Variants in IPPK observed in about 807,000 individuals in gnomAD.
IPPK encodes the protein IPK1 homolog.
IPPK carries 22 observed loss-of-function variants against 64.6 expected under a neutral mutation model. The observed-to-expected ratio is 0.34, with a 90% CI of 0.24 to 0.49. The LOEUF is 0.49. IPPK is among the 20% of genes least tolerant of loss of function. The probability of loss-of-function intolerance (pLI) is 0.99; values close to 1 mark genes in which losing one functional copy is unlikely to be tolerated. For synonymous variants in IPPK, 262 were observed against 247.2 expected (o/e 1.06, Z -0.56); for missense variants, 532 against 630.7 (o/e 0.84, Z 1.68).
At chr9:92,633,228 G>A (rs2131431451) in intron 11 of IPPK, among the ~76,000 whole-genome samples, 1 of 152,052 alleles carries the variant, frequency 6.6e-6, no homozygotes, top group East Asian at 1.9e-4. Flanking sequence ...AGCCAGGATG[G>A]TCTCAATCTC....
chr9:92,637,072 G>C (rs1049939849), intron 9 of IPPK, among the ~76,000 whole-genome samples: 1 of 152,076 alleles, frequency 6.6e-6, no homozygotes, highest in Non-Finnish European at 1.5e-5. Flanking sequence ...TGTAATCCTA[G>C]CACTTTGAGA....
chr9:92,630,828 A>G (rs939809612), intron 11 of IPPK, among the ~76,000 whole-genome samples: 2 of 152,198 alleles, frequency 1.3e-5, no homozygotes, highest in African/African-American at 4.8e-5. Context: ...TGGACAAGAC[A>G]CCACAAAAGG....
chr9:92,654,463 G>A (rs1852331558), intron 3 of IPPK, among the ~76,000 whole-genome samples: 1 of 152,108 alleles, frequency 6.6e-6, no homozygotes, highest in African/African-American at 2.4e-5. Flanking sequence ...TGAGGCTGCA[G>A]TGAGCCATGA....
At chr9:92,651,361 G>A (rs367730111) in intron 4 of IPPK, among the ~76,000 whole-genome samples, 6 of 152,316 alleles carry the variant, frequency 3.9e-5, no homozygotes, top group African/African-American at 1.2e-4. Context: ...CCTGTCATAA[G>A]GCCACCAGCA....
intron 2 of IPPK, among the ~76,000 whole-genome samples, chr9:92,657,367 C>T (rs1052603524): frequency 4.6e-5 from 7 of 151,862 alleles, no homozygotes; most frequent in Admixed American, 1.3e-4. Context: ...AAAAATAAAG[C>T]CCCCCTGGTC....
chr9:92,646,165 T>C (rs914382364), intron 6 of IPPK, among the ~76,000 whole-genome samples: 2 of 152,230 alleles, frequency 1.3e-5, no homozygotes, highest in Non-Finnish European at 2.9e-5. Context: ...ATGGAGTTGG[T>C]ATTAACCTGA....
At chr9:92,636,256 A>G (rs1851941186) in intron 9 of IPPK, among the ~76,000 whole-genome samples, 1 of 152,228 alleles carries the variant, frequency 6.6e-6, no homozygotes, top group Non-Finnish European at 1.5e-5. Flanking sequence ...GCCAACATGC[A>G]GGGAAACAGG....
chr9:92,656,427 G>C (rs1213864336), intron 3 of IPPK, 29 bp downstream of exon 3: 1 of 1,444,292 alleles, frequency 6.9e-7, no homozygotes, highest in Non-Finnish European at 9.8e-7. Flanking sequence ...ACATGCCCAA[G>C]AATTCAGATG....
At chr9:92,618,441 C>G (rs1363628241) in intron 12 of IPPK, 1 of 456,582 alleles carries the variant, frequency 2.2e-6, no homozygotes, top group African/African-American at 2.0e-5. Flanking sequence ...AGGTGAGTAA[C>G]ATGTCTGTCC....
Position 92,668,334 on chromosome 9 carries a change from G to A in IPPK, c.81+1574C>T, listed in dbSNP as rs149475997. On this transcript the variant is annotated intron_variant, in intron 1 of 12. Coordinates refer to ENST00000287996, the MANE Select transcript of IPPK (RefSeq NM_022755.6). ...GAGCTGTGCAACAGGGTAGGGCCAGGCTGCCCTGGAGATGCCTACTCAGGG... is the reference window on the plus strand; with the variant it reads ...GAGCTGTGCAACAGGGTAGGGCCAGACTGCCCTGGAGATGCCTACTCAGGG... Among the ~76,000 whole-genome samples, 738 of 152,286 alleles carry A rather than the reference G, an allele frequency of 4.8e-3. 4 individuals are homozygous for A. Among genetic ancestry groups the A allele is most frequent in the Admixed American group, 7.5e-3 (115 of 15,296 alleles).
intron 11 of IPPK, among the ~76,000 whole-genome samples, chr9:92,632,976 G>A (rs1365415689): frequency 6.6e-6 from 1 of 152,012 alleles, no homozygotes; most frequent in Non-Finnish European, 1.5e-5. Flanking sequence ...GGCTTTGGCA[G>A]CCTAGTAAAG....
chr9:92,621,631 C>G (rs1851633737), intron 11 of IPPK, among the ~76,000 whole-genome samples: 3 of 149,850 alleles, frequency 2.0e-5, no homozygotes, highest in African/African-American at 7.4e-5. Context: ...CCTTCCATCT[C>G]AGTCTCTCAG....
At chr9:92,625,962 T>A (rs1331625412) in intron 11 of IPPK, among the ~76,000 whole-genome samples, 4 of 151,432 alleles carry the variant, frequency 2.6e-5, no homozygotes, top group African/African-American at 9.7e-5. Context: ...GTATCTGATA[T>A]CAGAATATAA....
intron 6 of IPPK, 147 bp from the exon 7 acceptor site, chr9:92,642,957 T>C (rs952341480): frequency 5.8e-6 from 4 of 690,454 alleles, no homozygotes; most frequent in Non-Finnish European, 7.9e-6. Flanking sequence ...CCTTTGCAGG[T>C]GCACATCACT....
At chr9:92,656,584 A>T (rs1171225460) in intron 2 of IPPK, 33 bp from the exon 3 acceptor site, 1 of 1,396,038 alleles carries the variant, frequency 7.2e-7, no homozygotes, top group Non-Finnish European at 1.0e-6. Flanking sequence ...AGCCTTCGTG[A>T]TGGGACCTCC....
At position 92,614,664 on chromosome 9, in the gene IPPK, T is replaced by G. The variant is rs1851375716; in HGVS notation, c.*1168A>C. 1 of 152,656 alleles carries G rather than the reference T, an allele frequency of 6.6e-6. No homozygotes were observed. The highest frequency in any genetic ancestry group is 2.4e-5 in the African/African-American group (1 of 41,474). The allele number at this position is 152,656 out of a possible 1,614,324, so 9.5% of individuals were successfully genotyped here. On this transcript the variant is annotated 3_prime_UTR_variant, in exon 13 of 13. Transcript: ENST00000287996. Reference sequence around the variant, plus strand: ...TTTCTCATGTATCATTTTCATATAATTCCATGGTTTCACTAATATTATATG... The same window carrying G: ...TTTCTCATGTATCATTTTCATATAAGTCCATGGTTTCACTAATATTATATG...
rs546453360 is a variant in IPPK at position 92,670,080 on chromosome 9, G to C, written c.-92C>G. 51 of 877,378 alleles carry C rather than the reference G, an allele frequency of 5.8e-5. No homozygotes were observed. The South Asian group carries it at 7.1e-4, about 12-fold the overall frequency. 54.3% of individuals were successfully genotyped at this position (877,378 alleles called of 1,614,324 possible). A position where few individuals can be genotyped will look rare whatever the true frequency, so the allele number is the denominator to read the frequency against. ...CGCTGGGAACCAGCCGCTGCGGTCG[G>C]GGGAGGAGCGCCTGTCAGCTGCCGC... is the stretch of plus-strand genomic sequence containing the variant. On this transcript the variant is annotated 5_prime_UTR_variant, in exon 1 of 13. Transcript: ENST00000287996.
intron 10 of IPPK, among the ~76,000 whole-genome samples, 198 bp downstream of exon 10, chr9:92,634,960 C>G (rs577247513): frequency 6.6e-6 from 1 of 152,254 alleles, no homozygotes; most frequent in Non-Finnish European, 1.5e-5. Context: ...TTTCTAGAAA[C>G]AAGTGACCCT....
intron 1 of IPPK, among the ~76,000 whole-genome samples, chr9:92,662,605 T>C (rs1852508998): frequency 6.6e-6 from 1 of 151,978 alleles, no homozygotes; most frequent in African/African-American, 2.4e-5. Flanking sequence ...CTGGGGTGTT[T>C]CTTAACAAAA....
Sources: gnomAD v4.1 joint callset for allele counts (sites outside exome capture counted in the v4.1 genomes callset) on GRCh38, gnomAD v4.1.1 for gene constraint, MANE v1.5 for transcripts, NCBI Gene and HGNC (gene_info 2026-07-23, HGNC 2026-07-21) for gene names.